Variants in SFT2D3 observed in about 807,000 individuals in gnomAD.
The protein encoded by SFT2D3 is vesicle transport protein SFT2C.
For synonymous variants in SFT2D3, 239 were observed against 191.2 expected (o/e 1.25, Z -2.06); for missense variants, 405 against 334.6 (o/e 1.21, Z -1.64).
Position 127,701,683 on chromosome 2 carries a change from C to G in SFT2D3, c.155C>G (p.Thr52Arg). ...EWLGRAGLRW[T>R]WARSPAESAA... ...CTGGGCCGCGCGGGCTTGCGCTGGA[C>G]GTGGGCGCGGAGCCCTGCGGAGTCG... Residue 52 changes from threonine (T) to arginine (R), a missense_variant, in exon 1 of 1, where the codon ACG becomes AGG. Physicochemically the swap from Thr to Arg is moderately conservative, Grantham distance 71 (BLOSUM62 -1). Transcript: ENST00000310981. 3.1e-6 allele frequency: 4 copies of G among 1,299,614 alleles called. No individual in the cohort carries two copies. Among genetic ancestry groups the G allele is most frequent in the Non-Finnish European group, 3.9e-6 (4 of 1,029,494 alleles). 80.5% of individuals were successfully genotyped at this position (1,299,614 alleles called of 1,614,324 possible).
Position 127,701,538 on chromosome 2 carries a change from C to G in SFT2D3, c.10C>G (p.Leu4Val), listed in dbSNP as rs1329142972. 3.0e-6 allele frequency: 4 copies of G among 1,342,116 alleles called. No individual in the cohort carries two copies. Among genetic ancestry groups the G allele is most frequent in the Non-Finnish European group, 2.9e-6 (3 of 1,044,818 alleles). 83.1% of individuals were successfully genotyped at this position (1,342,116 alleles called of 1,614,324 possible). A position where few individuals can be genotyped will look rare whatever the true frequency, so the allele number is the denominator to read the frequency against. Residue 4 changes from leucine (L) to valine (V), a missense_variant, in exon 1 of 1, where the codon CTC (leucine) becomes GTC (valine). Coordinates refer to ENST00000310981, the MANE Select transcript of SFT2D3 (RefSeq NM_032740.4). MAD[L>V]HRQLQEYLAQ... is the part of the protein sequence containing the mutation. The stretch of plus-strand genomic sequence containing the variant: ...CACCGCCTTGTCCAAGATGGCGGAC[C>G]TCCACCGCCAGCTGCAGGAGTACCT...
chr2:127,703,483 CTAAG>C lies in SFT2D3; in HGVS notation c.*1313_*1316del, dbSNP rs1209328423. Reference sequence around the variant, plus strand: ...TCCTCCAACCCCAAAATTTATGTTCCTAAGTAAGTCAGGTCCCTAAGCCCCGTCC... The same window carrying C: ...TCCTCCAACCCCAAAATTTATGTTCCTAAGTCAGGTCCCTAAGCCCCGTCC... On this transcript the variant is annotated 3_prime_UTR_variant, in exon 1 of 1. Transcript: ENST00000310981. The C allele has an allele frequency of 1.8e-5, 3 of 167,216 alleles. No homozygotes were observed. Among genetic ancestry groups the C allele is most frequent in the African/African-American group, 4.8e-5 (2 of 41,564 alleles). The allele number at this position is 167,216 out of a possible 1,614,324, so 10.4% of individuals were successfully genotyped here.
Position 127,703,039 on chromosome 2 carries a change from C to CT in SFT2D3, c.*864dup. The CT allele has an allele frequency of 6.0e-6, 1 of 167,094 alleles. No individual in the cohort carries two copies. The highest frequency in any genetic ancestry group is 1.9e-4 in the East Asian group (1 of 5,186). 10.4% of individuals were successfully genotyped at this position (167,094 alleles called of 1,614,324 possible). On this transcript the variant is annotated 3_prime_UTR_variant, in exon 1 of 1. Transcript: ENST00000310981. ...GGCTGATCTTAAGATTTTTTTATAT[C>CT]TAATTGCTGCTGCCTTCATTTTAGG...
Position 127,701,893 on chromosome 2 carries a change from G to A in SFT2D3, c.365G>A (p.Gly122Glu), listed in dbSNP as rs1260377921. ...CTGGGCTCGGCGCTGGCGTTGGCGG[G>A]AAGCGCGCTGCTGCGGGGCGGCGCG... ...WSLGSALALA[G>E]SALLRGGAAC... The change falls in exon 1 of 1, where the codon GGA (glycine) becomes GAA (glutamate). Residue 122 changes from glycine (G) to glutamate (E), a missense_variant. Physicochemically the swap from Gly to Glu is moderately conservative, Grantham distance 98. Transcript: ENST00000310981. The A allele has an allele frequency of 6.9e-7, 1 of 1,456,236 alleles. No homozygotes were observed. Among genetic ancestry groups the A allele is most frequent in the Non-Finnish European group, 9.0e-7 (1 of 1,110,258 alleles). The allele number at this position is 1,456,236 out of a possible 1,614,324, so 90.2% of individuals were successfully genotyped here.
At position 127,701,535 on chromosome 2, in the gene SFT2D3, G is replaced by A. The variant is rs749941514; in HGVS notation, c.7G>A (p.Asp3Asn). 1.5e-6 allele frequency: 2 copies of A among 1,337,968 alleles called. No individual in the cohort carries two copies. Among genetic ancestry groups the A allele is most frequent in the South Asian group, 2.0e-5 (1 of 50,542 alleles). The allele number at this position is 1,337,968 out of a possible 1,614,324, so 82.9% of individuals were successfully genotyped here. MA[D>N]LHRQLQEYLA... ...TGCCACCGCCTTGTCCAAGATGGCG[G>A]ACCTCCACCGCCAGCTGCAGGAGTA... Residue 3 changes from aspartate (D) to asparagine (N), a missense_variant, in exon 1 of 1, where the codon GAC becomes AAC. Coordinates refer to ENST00000310981, the MANE Select transcript of SFT2D3 (RefSeq NM_032740.4).
At position 127,704,988 on chromosome 2, in the gene SFT2D3, G is replaced by C. The variant is rs1362524931; in HGVS notation, c.*2812G>C. On this transcript the variant is annotated 3_prime_UTR_variant, in exon 1 of 1. Coordinates refer to ENST00000310981, the MANE Select transcript of SFT2D3 (RefSeq NM_032740.4). The stretch of plus-strand genomic sequence containing the variant: ...CATATGCCTGTAGTCCTAGCTACTA[G>C]GGAGGCTGAGGCAGGGTCAAAGCTG... 6.3e-6 allele frequency: 1 copy of C among 159,452 alleles called. No homozygotes were observed. Among genetic ancestry groups the C allele is most frequent in the African/African-American group, 2.4e-5 (1 of 41,452 alleles). 9.9% of individuals were successfully genotyped at this position (159,452 alleles called of 1,614,324 possible). A position where few individuals can be genotyped will look rare whatever the true frequency, so the allele number is the denominator to read the frequency against.
Position 127,701,912 on chromosome 2 carries a change from C to T in SFT2D3, c.384C>T (p.Gly128=). The change falls in exon 1 of 1, where the codon GGC becomes GGT. Residue 128 remains glycine (G), a synonymous_variant. Coordinates refer to ENST00000310981, the MANE Select transcript of SFT2D3 (RefSeq NM_032740.4). The part of the protein sequence containing the change: ...LALAGSALLR[G]GAACGRLLRC... ...TGGCGGGAAGCGCGCTGCTGCGGGG[C>T]GGCGCGGCGTGCGGACGCCTGCTGC... is the stretch of plus-strand genomic sequence containing the variant. The T allele has an allele frequency of 1.4e-6, 2 of 1,448,444 alleles. No homozygotes were observed. The highest frequency in any genetic ancestry group is 1.8e-6 in the Non-Finnish European group (2 of 1,106,960). 89.7% of individuals were successfully genotyped at this position (1,448,444 alleles called of 1,614,324 possible).
In SFT2D3 at chr2:127,702,899, TAGAA is replaced by T. The variant is rs556160182; in HGVS notation, c.*727_*730del. 1.3e-3 allele frequency: 223 copies of T among 167,062 alleles called. 1 individual carries two copies. The highest frequency in any genetic ancestry group is 0.01 in the Middle Eastern group (3 of 296). The allele number at this position is 167,062 out of a possible 1,614,324, so 10.3% of individuals were successfully genotyped here. A position where few individuals can be genotyped will look rare whatever the true frequency, so the allele number is the denominator to read the frequency against. ...ACGGTCTCTTCGGAAATCCTGCAAA[TAGAA>T]AGATAATTCTAGATCCGGAATACCT... is the stretch of plus-strand genomic sequence containing the variant. On this transcript the variant is annotated 3_prime_UTR_variant, in exon 1 of 1. Coordinates refer to ENST00000310981, the MANE Select transcript of SFT2D3 (RefSeq NM_032740.4).
chr2:127,703,129 G>A lies in SFT2D3; in HGVS notation c.*953G>A, dbSNP rs756199455. 4 of 167,010 alleles carry A rather than the reference G, an allele frequency of 2.4e-5. No individual in the cohort carries two copies. Among genetic ancestry groups the A allele is most frequent in the African/African-American group, 4.8e-5 (2 of 41,428 alleles). 10.3% of individuals were successfully genotyped at this position (167,010 alleles called of 1,614,324 possible). ...AGGTATGAGCCTAACATTCTGATGA[G>A]TCCAGAAAACTACGTTTTGTCAGTA... On this transcript the variant is annotated 3_prime_UTR_variant, in exon 1 of 1. Transcript: ENST00000310981.
chr2:127,702,071 G>T lies in SFT2D3; in HGVS notation c.543G>T (p.Leu181=), dbSNP rs1685905933. 2 of 1,217,858 alleles carry T rather than the reference G, an allele frequency of 1.6e-6. No homozygotes were observed. The highest frequency in any genetic ancestry group is 3.2e-5 in the African/African-American group (2 of 63,050). The allele number at this position is 1,217,858 out of a possible 1,614,324, so 75.4% of individuals were successfully genotyped here. A position where few individuals can be genotyped will look rare whatever the true frequency, so the allele number is the denominator to read the frequency against. ...LGAGAQVAAL[L]AALVGLLPWG... Reference sequence around the variant, plus strand: ...CGGGCGCGCAGGTGGCCGCGCTGCTGGCCGCGCTGGTTGGGCTGCTGCCCT... The same window carrying T: ...CGGGCGCGCAGGTGGCCGCGCTGCTTGCCGCGCTGGTTGGGCTGCTGCCCT... The change falls in exon 1 of 1, where the codon CTG becomes CTT. Residue 181 remains leucine (L), a synonymous_variant. Transcript: ENST00000310981.
rs1431363506 is a variant in SFT2D3, at chr2:127,703,139, C to G, written c.*963C>G. 1.2e-5 allele frequency: 2 copies of G among 167,008 alleles called. No homozygotes were observed. Among genetic ancestry groups the G allele is most frequent in the Non-Finnish European group, 2.9e-5 (2 of 68,100 alleles). 10.3% of individuals were successfully genotyped at this position (167,008 alleles called of 1,614,324 possible). ...CTAACATTCTGATGAGTCCAGAAAA[C>G]TACGTTTTGTCAGTAGCAATACACT... On this transcript the variant is annotated 3_prime_UTR_variant, in exon 1 of 1. Transcript: ENST00000310981.
Position 127,703,116 on chromosome 2 carries a change from A to G in SFT2D3, c.*940A>G, listed in dbSNP as rs1177872444. 6.0e-6 allele frequency: 1 copy of G among 167,068 alleles called. No individual in the cohort carries two copies. Among genetic ancestry groups the G allele is most frequent in the Non-Finnish European group, 1.5e-5 (1 of 68,118 alleles). The allele number at this position is 167,068 out of a possible 1,614,324, so 10.3% of individuals were successfully genotyped here. A position where few individuals can be genotyped will look rare whatever the true frequency, so the allele number is the denominator to read the frequency against. The stretch of plus-strand genomic sequence containing the variant: ...ATTTATTGCCAGAAGGTATGAGCCT[A>G]ACATTCTGATGAGTCCAGAAAACTA... On this transcript the variant is annotated 3_prime_UTR_variant, in exon 1 of 1. Transcript: ENST00000310981.
rs550790581 is a variant in SFT2D3 at position 127,702,170 on chromosome 2, C to T, written c.642C>T (p.Pro214=). The change falls in exon 1 of 1, where the codon CCC becomes CCT. Residue 214 remains proline (P), a synonymous_variant. Coordinates refer to ENST00000310981, the MANE Select transcript of SFT2D3 (RefSeq NM_032740.4). The part of the protein sequence containing the change: ...GRGAGLAKVL[P]V ...GCGCCGGCCTCGCCAAGGTGCTGCC[C>T]GTGTGAGGACCTCGCGCCCTCGCCG... The T allele has an allele frequency of 5.8e-5, 70 of 1,213,502 alleles. No individual in the cohort carries two copies. The African/African-American group carries it at 7.9e-4, about 14-fold the overall frequency. 75.2% of individuals were successfully genotyped at this position (1,213,502 alleles called of 1,614,324 possible).
chr2:127,702,163 T>G lies in SFT2D3; in HGVS notation c.635T>G (p.Val212Gly). Residue 212 changes from valine (V) to glycine (G), a missense_variant, in exon 1 of 1, where the codon GTG (valine) becomes GGG (glycine). Transcript: ENST00000310981. ...GGCCGCGGCGCCGGCCTCGCCAAGGTGCTGCCCGTGTGAGGACCTCGCGCC... is the reference window on the plus strand; with the variant it reads ...GGCCGCGGCGCCGGCCTCGCCAAGGGGCTGCCCGTGTGAGGACCTCGCGCC... ...RLGRGAGLAK[V>G]LPV 8.2e-7 allele frequency: 1 copy of G among 1,214,452 alleles called. No homozygotes were observed. Among genetic ancestry groups the G allele is most frequent in the Non-Finnish European group, 1.0e-6 (1 of 976,970 alleles). The allele number at this position is 1,214,452 out of a possible 1,614,324, so 75.2% of individuals were successfully genotyped here. A position where few individuals can be genotyped will look rare whatever the true frequency, so the allele number is the denominator to read the frequency against.
Position 127,701,769 on chromosome 2 carries a change from G to T in SFT2D3, c.241G>T (p.Gly81Cys), listed in dbSNP as rs1331296528. 7.0e-6 allele frequency: 10 copies of T among 1,427,224 alleles called. No individual in the cohort carries two copies. The highest frequency in any genetic ancestry group is 9.2e-6 in the Non-Finnish European group (10 of 1,090,380). The allele number at this position is 1,427,224 out of a possible 1,614,324, so 88.4% of individuals were successfully genotyped here. A position where few individuals can be genotyped will look rare whatever the true frequency, so the allele number is the denominator to read the frequency against. Residue 81 changes from glycine (G) to cysteine (C), a missense_variant, in exon 1 of 1, where the codon GGC becomes TGC. Transcript: ENST00000310981. The stretch of plus-strand genomic sequence containing the variant: ...GCGCGGGCAGCGGCTGGCGGCGGGC[G>T]GCGGGTGCCTGCTGCTGGCTGCACT... The part of the protein sequence containing the change: ...VTRGQRLAAG[G>C]GCLLLAALCF...
Position 127,701,958 on chromosome 2 carries a change from C to T in SFT2D3, c.430C>T (p.Arg144Trp). ...GCTGCGCTGCGAAGAAGCGCCGTCC[C>T]GGCCCGCGCTGCTCTACATGGCAGC... ...RLLRCEEAPS[R>W]PALLYMAALG... is the part of the protein sequence containing the mutation. The change falls in exon 1 of 1, where the codon CGG becomes TGG. Residue 144 changes from arginine (R) to tryptophan (W), a missense_variant. By Grantham distance (101) the Arg-to-Trp change is moderately radical. Coordinates refer to ENST00000310981, the MANE Select transcript of SFT2D3 (RefSeq NM_032740.4). 5 of 1,398,274 alleles carry T rather than the reference C, an allele frequency of 3.6e-6. No homozygotes were observed. The highest frequency in any genetic ancestry group is 4.6e-6 in the Non-Finnish European group (5 of 1,083,086). 86.6% of individuals were successfully genotyped at this position (1,398,274 alleles called of 1,614,324 possible).
In SFT2D3 at chr2:127,702,342, C is replaced by A; in HGVS notation, c.*166C>A. On this transcript the variant is annotated 3_prime_UTR_variant, in exon 1 of 1. Transcript: ENST00000310981. ...GAGCGGCTGCTGCCAGCGGAGGCGA[C>A]AGCAGCGTTGGGAGCTCCTCGATGT... 1.6e-6 allele frequency: 1 copy of A among 642,090 alleles called. No homozygotes were observed. Among genetic ancestry groups the A allele is most frequent in the Non-Finnish European group, 2.2e-6 (1 of 459,280 alleles). The allele number at this position is 642,090 out of a possible 1,614,324, so 39.8% of individuals were successfully genotyped here.
rs1377947708 is a variant in SFT2D3 at position 127,702,288 on chromosome 2, T to C, written c.*112T>C. ...GTGCGGAAGCCCGTGGCGAAGGCCCTGCCCTAACAGCCTGCGAGTCTAATC... is the reference window on the plus strand; with the variant it reads ...GTGCGGAAGCCCGTGGCGAAGGCCCCGCCCTAACAGCCTGCGAGTCTAATC... On this transcript the variant is annotated 3_prime_UTR_variant, in exon 1 of 1. Transcript: ENST00000310981. 1 of 1,053,582 alleles carries C rather than the reference T, an allele frequency of 9.5e-7. No individual in the cohort carries two copies. Among genetic ancestry groups the C allele is most frequent in the Non-Finnish European group, 1.2e-6 (1 of 838,866 alleles). The allele number at this position is 1,053,582 out of a possible 1,614,324, so 65.3% of individuals were successfully genotyped here.
Position 127,701,515 on chromosome 2 carries a change from C to T in SFT2D3, c.-14C>T, listed in dbSNP as rs1476361089. On this transcript the variant is annotated 5_prime_UTR_variant, in exon 1 of 1. Transcript: ENST00000310981. The stretch of plus-strand genomic sequence containing the variant: ...GAGCCGCAGCTTTTCCTTTCTGCCA[C>T]CGCCTTGTCCAAGATGGCGGACCTC... 9.3e-6 allele frequency: 12 copies of T among 1,295,756 alleles called. No individual in the cohort carries two copies. Among genetic ancestry groups the T allele is most frequent in the Non-Finnish European group, 1.2e-5 (12 of 1,018,086 alleles). 80.3% of individuals were successfully genotyped at this position (1,295,756 alleles called of 1,614,324 possible).
Sources: gnomAD v4.1 joint callset for allele counts on GRCh38, gnomAD v4.1.1 for gene constraint, MANE v1.5 for transcripts, NCBI Gene and HGNC (gene_info 2026-07-23, HGNC 2026-07-21) for gene names.